The following GRID1 variants were observed in gnomAD, a reference collection of about 807,000 sequenced individuals.
GRID1 encodes the protein glutamate ionotropic receptor delta type subunit 1, also known as glutamate receptor ionotropic, delta-1.
A neutral mutation model predicts 98.0 loss-of-function variants in GRID1; 28 were observed. That is an observed-to-expected ratio of 0.29 (90% CI 0.21 to 0.39). The LOEUF is 0.39. Among genes scored for constraint, GRID1 ranks in the 10% least tolerant of loss-of-function variants. The probability of loss-of-function intolerance (pLI) is 1.00; values close to 1 mark genes in which losing one functional copy is unlikely to be tolerated. For synonymous variants in GRID1, 553 were observed against 538.5 expected (o/e 1.03, Z -0.37); for missense variants, 1,111 against 1,340.5 (o/e 0.83, Z 2.67).
At chr10:85,718,861 G>C (rs911850316) in intron 12 of GRID1, among the ~76,000 whole-genome samples, 4 of 152,160 alleles carry the variant, frequency 2.6e-5, no homozygotes, top group Non-Finnish European at 4.4e-5. Flanking sequence ...TCTGCAGCTG[G>C]CTTGAATTTC....
chr10:86,265,510 T>C (rs1325657266), intron 2 of GRID1, among the ~76,000 whole-genome samples: 1 of 152,216 alleles, frequency 6.6e-6, no homozygotes, highest in African/African-American at 2.4e-5. Flanking sequence ...TGGATTTGAA[T>C]CCAGATGTGT....
intron 5 of GRID1, among the ~76,000 whole-genome samples, chr10:85,891,068 T>C (rs1841194104): frequency 6.6e-6 from 1 of 152,180 alleles, no homozygotes; most frequent in Non-Finnish European, 1.5e-5. Flanking sequence ...ACCACTTTAA[T>C]TATTTTGTTT....
At chr10:85,649,142 A>C (rs12269171) in intron 12 of GRID1, among the ~76,000 whole-genome samples, 10,635 of 152,224 alleles carry the variant, frequency 0.07, 501 homozygotes, top group African/African-American at 0.13. Flanking sequence ...ATTTGGAGGA[A>C]TGGAGCTGAA....
intron 8 of GRID1, among the ~76,000 whole-genome samples, chr10:85,747,072 G>A (rs1842004287): frequency 6.6e-6 from 1 of 152,052 alleles, no homozygotes. Flanking sequence ...AACACTTTGT[G>A]AGTTAAACAG....
chr10:85,850,103 C>A (rs1158956941), intron 8 of GRID1, among the ~76,000 whole-genome samples: 1 of 152,122 alleles, frequency 6.6e-6, no homozygotes, highest in African/African-American at 2.4e-5. Flanking sequence ...GCCACTGAAT[C>A]GGGTGGATGC....
chr10:85,625,474 C>G (rs371211721), intron 13 of GRID1, among the ~76,000 whole-genome samples: 2 of 152,192 alleles, frequency 1.3e-5, no homozygotes, highest in East Asian at 3.9e-4. Flanking sequence ...CAAACATGGT[C>G]CAGACAAAAA....
In GRID1 at chr10:86,209,905, C is replaced by T. The variant is rs573199434; in HGVS notation, c.236-3257G>A. On this transcript the variant is annotated intron_variant, in intron 2 of 15. Transcript: ENST00000327946. ...GCAGAACCTCTCTGAGCCTCAGTTT[C>T]CCCATCTGGGCATGCATGCCACTGG... 3.9e-5 allele frequency among the ~76,000 whole-genome samples: 6 copies of T among 152,298 alleles called. No individual in the cohort carries two copies. The East Asian group carries it at 1.2e-3, about 29-fold the overall frequency.
intron 8 of GRID1, among the ~76,000 whole-genome samples, chr10:85,758,854 C>T (rs190395927): frequency 4.6e-4 from 70 of 152,226 alleles, no homozygotes; most frequent in Non-Finnish European, 1.9e-4. Flanking sequence ...GGAGAGCCTC[C>T]CACTATAAGC....
chr10:85,654,688 A>C (rs1193511136), intron 12 of GRID1, among the ~76,000 whole-genome samples: 2 of 152,184 alleles, frequency 1.3e-5, no homozygotes, highest in Non-Finnish European at 2.9e-5. Flanking sequence ...CAGTCCCTAC[A>C]GCAAGACAAA....
At chr10:86,069,516 C>T (rs572180402) in intron 4 of GRID1, among the ~76,000 whole-genome samples, 8 of 152,206 alleles carry the variant, frequency 5.3e-5, no homozygotes, top group Admixed American at 2.6e-4. Flanking sequence ...GGTGTGGTGG[C>T]GGGTGCCTGT....
At position 85,699,531 on chromosome 10, in the gene GRID1, T is replaced by C. The variant is rs143139892; in HGVS notation, c.1997+23472A>G. ...ACTTAACAATGTTTTATTTTATGGA[T>C]CATGCTTTCGATCTTGTATTAAAGA... On this transcript the variant is annotated intron_variant, in intron 12 of 15. Coordinates refer to ENST00000327946, the MANE Select transcript of GRID1 (RefSeq NM_017551.3). Among the ~76,000 whole-genome samples the C allele has an allele frequency of 4.6e-5, 7 of 152,320 alleles. No homozygotes were observed. In the East Asian group the frequency reaches 1.3e-3, roughly 29 times the overall value.
intron 2 of GRID1, among the ~76,000 whole-genome samples, chr10:86,249,962 G>A (rs1043821759): frequency 2.6e-5 from 4 of 152,000 alleles, no homozygotes; most frequent in Non-Finnish European, 5.9e-5. Flanking sequence ...AGGTGAATGG[G>A]GGGTGGGTGG....
chr10:86,155,297 G>A (rs1427958405), intron 3 of GRID1, among the ~76,000 whole-genome samples: 1 of 152,204 alleles, frequency 6.6e-6, no homozygotes, highest in East Asian at 1.9e-4. Flanking sequence ...CGGCCAACCT[G>A]CCATTCTTCA....
intron 5 of GRID1, among the ~76,000 whole-genome samples, chr10:85,871,239 A>G (rs1843275647): frequency 2.6e-5 from 4 of 152,200 alleles, no homozygotes; most frequent in African/African-American, 9.7e-5. Flanking sequence ...ACCCAACAGA[A>G]AGCCTATTTT....
In GRID1 at chr10:85,856,101, C is replaced by T. The variant is rs1486592652; in HGVS notation, c.1041G>A (p.Ala347=). Residue 347 remains alanine (A), a synonymous_variant, in exon 7 of 16, where the codon GCG becomes GCA. Transcript: ENST00000327946. ...KLEDRKWHSM[A]SLNCIRKSTK... is the part of the protein sequence containing the mutation. ...TGGATTTCCGTATGCAGTTGAGGCT[C>T]GCCATGCTATGCCACTTCCGGTCCT... The T allele has an allele frequency of 5.0e-6, 8 of 1,614,008 alleles. No individual in the cohort carries two copies. The African/African-American group carries it at 5.3e-5, about 11-fold the overall frequency.
intron 3 of GRID1, among the ~76,000 whole-genome samples, chr10:86,150,115 C>A (rs1246530491): frequency 4.6e-5 from 7 of 152,214 alleles, no homozygotes; most frequent in Admixed American, 3.9e-4. Flanking sequence ...AGTCCTGCTG[C>A]TTTGATGCCA....
rs768693786 is a variant in GRID1 at position 85,724,346 on chromosome 10, A to G, written c.1858+6T>C. On this transcript the variant is annotated splice_donor_region_variant and intron_variant, in intron 11 of 15. Transcript: ENST00000327946. Reference sequence around the variant, plus strand: ...CTATTCAATGATCAGGAAACCAGAAAGGTACCTTGCTGTACGAAGGCTCCA... The same window carrying G: ...CTATTCAATGATCAGGAAACCAGAAGGGTACCTTGCTGTACGAAGGCTCCA... 1 of 1,605,078 alleles carries G rather than the reference A, an allele frequency of 6.2e-7. No homozygotes were observed. Among genetic ancestry groups the G allele is most frequent in the Non-Finnish European group, 8.5e-7 (1 of 1,172,814 alleles).
At chr10:85,909,514 G>A (rs951931737) in intron 5 of GRID1, among the ~76,000 whole-genome samples, 1 of 152,134 alleles carries the variant, frequency 6.6e-6, no homozygotes, top group Non-Finnish European at 1.5e-5. Flanking sequence ...ATCAACAGCG[G>A]AACAGATAAT....
rs7069994 is a variant in GRID1, at chr10:86,036,382, G to A, written c.726+102437C>T. Among the ~76,000 whole-genome samples, 1,517 of 152,250 alleles carry A rather than the reference G, an allele frequency of 1.0e-2. 27 individuals are homozygous for A. The highest frequency in any genetic ancestry group is 0.035 in the African/African-American group (1,436 of 41,522). ...TGTCCTGACAAAATCGAGCTTTGAGGCTATCAGTCCAAATGCCCAACCCTG... is the reference window on the plus strand; with the variant it reads ...TGTCCTGACAAAATCGAGCTTTGAGACTATCAGTCCAAATGCCCAACCCTG... On this transcript the variant is annotated intron_variant, in intron 4 of 15. Coordinates refer to ENST00000327946, the MANE Select transcript of GRID1 (RefSeq NM_017551.3).
Sources: gnomAD v4.1 joint callset for allele counts (sites outside exome capture counted in the v4.1 genomes callset) on GRCh38, gnomAD v4.1.1 for gene constraint, MANE v1.5 for transcripts, NCBI Gene and HGNC (gene_info 2026-07-23, HGNC 2026-07-21) for gene names.